The following VSTM4 variants were observed in gnomAD, a reference collection of about 807,000 sequenced individuals.
The protein encoded by VSTM4 is V-set and transmembrane domain containing 4, also known as V-set and transmembrane domain-containing protein 4.
VSTM4 carries 20 observed loss-of-function variants against 36.4 expected under a neutral mutation model. That is an observed-to-expected ratio of 0.55 (90% CI 0.39 to 0.80). VSTM4 has a LOEUF of 0.80. VSTM4 is among the 30% of genes least tolerant of loss of function. The pLI is 0.00. For synonymous variants in VSTM4, 182 were observed against 173.9 expected (o/e 1.05, Z -0.37); for missense variants, 392 against 404.5 (o/e 0.97, Z 0.26).
intron 5 of VSTM4, among the ~76,000 whole-genome samples, chr10:49,051,583 AGGG>A (rs1442894781): frequency 6.6e-6 from 1 of 151,982 alleles, no homozygotes; most frequent in Non-Finnish European, 1.5e-5. Context: ...TTTAGTAGAG[AGGG>A]GGTTTCACCA....
intron 5 of VSTM4, among the ~76,000 whole-genome samples, chr10:49,063,518 T>C (rs1299655556): frequency 1.3e-5 from 2 of 152,210 alleles, no homozygotes; most frequent in African/African-American, 4.8e-5. Context: ...AAATCTCTTA[T>C]TTTTGTAGGC....
intron 2 of VSTM4, among the ~76,000 whole-genome samples, chr10:49,096,622 C>CGTGTGTGTGTGT (rs57143308): frequency 0.013 from 1,585 of 122,540 alleles, 58 homozygotes; most frequent in African/African-American, 0.045. Flanking sequence ...CATTGAAGAC[C>CGTGTGTGTGTGT]GTGTGTGTGT....
chr10:49,020,455 A>C (rs1329688398), intron 7 of VSTM4, among the ~76,000 whole-genome samples: 25 of 152,150 alleles, frequency 1.6e-4, no homozygotes, highest in Admixed American at 1.6e-3. Flanking sequence ...AGTAAAACAG[A>C]TAAACTGAAA....
chr10:49,112,098 A>G (rs985030163), intron 1 of VSTM4, among the ~76,000 whole-genome samples: 8 of 152,194 alleles, frequency 5.3e-5, no homozygotes, highest in African/African-American at 1.9e-4. Flanking sequence ...CTGTGGCCCA[A>G]CAGCCACCCT....
chr10:49,107,163 G>A (rs1292753456), intron 2 of VSTM4, among the ~76,000 whole-genome samples: 1 of 152,150 alleles, frequency 6.6e-6, no homozygotes, highest in African/African-American at 2.4e-5. Context: ...AAAACAACCA[G>A]TCATGTCTGC....
At position 49,017,038 on chromosome 10, in the gene VSTM4, T is replaced by G. The variant is rs1458571624; in HGVS notation, c.*2612A>C. 6.6e-6 allele frequency: 1 copy of G among 152,260 alleles called. No homozygotes were observed. Among genetic ancestry groups the G allele is most frequent in the Non-Finnish European group, 1.5e-5 (1 of 68,040 alleles). The allele number at this position is 152,260 out of a possible 1,614,324, so 9.4% of individuals were successfully genotyped here. A position where few individuals can be genotyped will look rare whatever the true frequency, so the allele number is the denominator to read the frequency against. On this transcript the variant is annotated 3_prime_UTR_variant, in exon 8 of 8. Transcript: ENST00000332853. ...AGCAATGGTCTATTTTGAAAATTAC[T>G]CATATGTAGTTTCTGCCATTGATGC...
intron 7 of VSTM4, among the ~76,000 whole-genome samples, chr10:49,022,925 G>C (rs948163418): frequency 4.6e-5 from 7 of 152,170 alleles, no homozygotes; most frequent in Admixed American, 1.3e-4. Flanking sequence ...CAGGTCACCA[G>C]GCTGGCTTGG....
intron 2 of VSTM4, among the ~76,000 whole-genome samples, chr10:49,088,741 C>G (rs1490268733): frequency 6.6e-6 from 1 of 152,276 alleles, no homozygotes; most frequent in Non-Finnish European, 1.5e-5. Flanking sequence ...CCTGAAAAAG[C>G]TTGGCTGGAT....
At position 49,033,359 on chromosome 10, in the gene VSTM4, T is replaced by C. The variant is rs144731003; in HGVS notation, c.838-13584A>G. Among the ~76,000 whole-genome samples the C allele has an allele frequency of 9.6e-3, 1,459 of 152,338 alleles. 10 individuals are homozygous for C. The highest frequency in any genetic ancestry group is 0.016 in the Non-Finnish European group (1,070 of 68,028). ...ACAGAAATGGATTTGTCAGAATCTG[T>C]AGCCATGACCCACACTAAATGTGGG... On this transcript the variant is annotated intron_variant, in intron 7 of 7. Coordinates refer to ENST00000332853, the MANE Select transcript of VSTM4 (RefSeq NM_001031746.5).
rs1217851865 is a variant in VSTM4, at chr10:49,063,279, G to A, written c.668+1424C>T. 2.6e-5 allele frequency among the ~76,000 whole-genome samples: 4 copies of A among 152,164 alleles called. No homozygotes were observed. In the East Asian group the frequency reaches 7.7e-4, roughly 29 times the overall value. ...CATTTGAATCTAGGAGGGTTGCAGTGAGCCAAGATCATGCTATTGCACTCC... is the reference window on the plus strand; with the variant it reads ...CATTTGAATCTAGGAGGGTTGCAGTAAGCCAAGATCATGCTATTGCACTCC... On this transcript the variant is annotated intron_variant, in intron 5 of 7. Transcript: ENST00000332853.
intron 1 of VSTM4, 109 bp downstream of exon 1, chr10:49,115,322 C>T (rs1844975166): frequency 1.4e-5 from 11 of 762,356 alleles, no homozygotes; most frequent in Non-Finnish European, 1.6e-5. Flanking sequence ...GCCCCCCGCC[C>T]GCGCCCGGAG....
intron 3 of VSTM4, among the ~76,000 whole-genome samples, chr10:49,082,989 G>T (rs1002238327): frequency 1.3e-5 from 2 of 152,214 alleles, no homozygotes; most frequent in African/African-American, 4.8e-5. Context: ...GGGCCAGGCA[G>T]ATGGCACCTG....
At chr10:49,102,820 C>T in intron 2 of VSTM4, 2 of 872,786 alleles carry the variant, frequency 2.3e-6, no homozygotes, top group Non-Finnish European at 2.8e-6. Context: ...GGCACTGTTG[C>T]AGGCATTCAT....
chr10:49,089,390 T>G (rs558197828), intron 2 of VSTM4, among the ~76,000 whole-genome samples: 165 of 152,344 alleles, frequency 1.1e-3, no homozygotes, highest in African/African-American at 3.6e-3. Context: ...CTCTACACCT[T>G]GAATGAGCTG....
At chr10:49,104,652 A>G (rs1449970343) in intron 2 of VSTM4, among the ~76,000 whole-genome samples, 1 of 152,228 alleles carries the variant, frequency 6.6e-6, no homozygotes, top group African/African-American at 2.4e-5. Context: ...GGCCCTGCCC[A>G]GGAGCTGAGA....
chr10:49,093,742 C>CTTTTTTTT (rs35299738), intron 2 of VSTM4, among the ~76,000 whole-genome samples: 4 of 103,658 alleles, frequency 3.9e-5, no homozygotes, highest in Admixed American at 1.1e-4. Flanking sequence ...CATAGTTACT[C>CTTTTTTTT]TTTTTTTTTT....
intron 1 of VSTM4, among the ~76,000 whole-genome samples, chr10:49,115,083 G>T (rs1357353158): frequency 6.6e-6 from 1 of 152,204 alleles, no homozygotes. Flanking sequence ...CCTGACTGCC[G>T]TGGAAAAAAG....
intron 4 of VSTM4, among the ~76,000 whole-genome samples, chr10:49,065,105 C>A (rs934765116): frequency 3.3e-5 from 5 of 152,154 alleles, no homozygotes; most frequent in Admixed American, 2.6e-4. Context: ...ATAACGTGTC[C>A]ATTTAGAAGC....
At chr10:49,095,421 G>A (rs71500265) in intron 2 of VSTM4, among the ~76,000 whole-genome samples, 14,321 of 152,116 alleles carry the variant, frequency 0.094, 898 homozygotes, top group South Asian at 0.21. Flanking sequence ...GGAAGGCCCC[G>A]GCAGGGTCCT....
Sources: allele counts gnomAD v4.1 joint callset (sites outside exome capture counted in the v4.1 genomes callset), GRCh38; gene constraint gnomAD v4.1.1; transcripts MANE v1.5; gene names NCBI Gene and HGNC (gene_info 2026-07-23, HGNC 2026-07-21).